Variants in ATXN3 observed in about 807,000 individuals in gnomAD.
The protein encoded by ATXN3 is ataxin-3.
Under a neutral mutation model 58.2 loss-of-function variants are expected in ATXN3, and 28 were observed. That is an observed-to-expected ratio of 0.48 (90% CI 0.36 to 0.66). ATXN3 has a LOEUF of 0.66. Among genes scored for constraint, ATXN3 ranks in the 30% least tolerant of loss-of-function variants. The pLI, the probability that ATXN3 is intolerant of heterozygous loss-of-function variation, is 0.00. For missense variants in ATXN3, 321 were observed against 422.1 expected (o/e 0.76, Z 2.10); for synonymous variants, 113 against 138.5 (o/e 0.82, Z 1.29).
chr14:92,065,876 G>A (rs1417156476), intron 10 of ATXN3, among the ~76,000 whole-genome samples: 2 of 140,488 alleles, frequency 1.4e-5, no homozygotes, highest in Non-Finnish European at 3.1e-5. Flanking sequence ...GCAAGACTCT[G>A]CCTAAAAAAG....
rs540170798 is a variant in ATXN3, at chr14:92,088,465, C to T, written c.475+265G>A. On this transcript the variant is annotated intron_variant, in intron 6 of 10. Coordinates refer to ENST00000644486, the MANE Select transcript of ATXN3 (RefSeq NM_004993.6). ...AAAAACATCTATCCCTCCTCTCAGCCGTGTGATATGTGATGTATAAAAGAA... is the reference window on the plus strand; with the variant it reads ...AAAAACATCTATCCCTCCTCTCAGCTGTGTGATATGTGATGTATAAAAGAA... Among the ~76,000 whole-genome samples, 3 of 152,228 alleles carry T rather than the reference C, an allele frequency of 2.0e-5. No individual in the cohort carries two copies. The South Asian group carries it at 6.2e-4, about 32-fold the overall frequency.
Position 92,085,198 on chromosome 14 carries a change from A to T in ATXN3, c.476-1940T>A, listed in dbSNP as rs868228047. 1.7e-3 allele frequency among the ~76,000 whole-genome samples: 254 copies of T among 148,756 alleles called. 1 individual carries two copies. Among genetic ancestry groups the T allele is most frequent in the African/African-American group, 5.9e-3 (237 of 40,330 alleles). On this transcript the variant is annotated intron_variant, in intron 6 of 10. Transcript: ENST00000644486. ...AAGACTTCACATATTTTTTTTTTTTAATTTTTTTTTGAGAGTCTCGTTCTG... is the reference window on the plus strand; with the variant it reads ...AAGACTTCACATATTTTTTTTTTTTTATTTTTTTTTGAGAGTCTCGTTCTG...
chr14:92,099,931 G>A (rs2066373473), intron 1 of ATXN3, among the ~76,000 whole-genome samples: 1 of 148,704 alleles, frequency 6.7e-6, no homozygotes, highest in African/African-American at 2.5e-5. Flanking sequence ...AGGAAAGAAA[G>A]AAGAAAGAAA....
At chr14:92,052,800 T>A (rs185374035), upstream of ATXN3, among the ~76,000 whole-genome samples, 2 of 152,344 alleles carry the variant, frequency 1.3e-5, no homozygotes, top group East Asian at 3.9e-4. Flanking sequence ...TTGCCTGTTC[T>A]GTTTTGGACA....
At chr14:92,075,536 C>T (rs7493647) in intron 9 of ATXN3, among the ~76,000 whole-genome samples, 1 of 152,068 alleles carries the variant, frequency 6.6e-6, no homozygotes, top group Non-Finnish European at 1.5e-5. Context: ...TTATGATTTT[C>T]TTTATGCATG....
chr14:92,053,286 A>G (rs1028382968), upstream of ATXN3, among the ~76,000 whole-genome samples: 18 of 144,216 alleles, frequency 1.2e-4, no homozygotes, highest in Non-Finnish European at 2.6e-4. Flanking sequence ...AATCATTTTC[A>G]TAGGAATCAT....
chr14:92,050,118 A>T (rs1230823920), upstream of ATXN3, among the ~76,000 whole-genome samples: 2 of 151,700 alleles, frequency 1.3e-5, no homozygotes, highest in Admixed American at 1.3e-4. Flanking sequence ...ATGTGCTTCA[A>T]AATAATGGAA....
intron 1 of ATXN3, among the ~76,000 whole-genome samples, chr14:92,105,670 A>C (rs1209335391): frequency 1.3e-5 from 2 of 152,180 alleles, no homozygotes; most frequent in East Asian, 3.9e-4. Flanking sequence ...GGCTTCACTC[A>C]CACACAAATG....
In ATXN3 at chr14:92,096,300, C is replaced by T. The variant is rs1444159564; in HGVS notation, c.190-163G>A. 5 of 1,494,494 alleles carry T rather than the reference C, an allele frequency of 3.3e-6. No homozygotes were observed. The African/African-American group carries it at 5.6e-5, about 17-fold the overall frequency. The allele number at this position is 1,494,494 out of a possible 1,614,324, so 92.6% of individuals were successfully genotyped here. On this transcript the variant is annotated intron_variant, in intron 2 of 10. Transcript: ENST00000644486. ...GTCAGATCCCTATAGGAAGAATGGC[C>T]CATCCTTTTCTAAATGGTATCCACA...
rs578194188 is a variant in ATXN3, at chr14:92,064,206, C to T, written c.*114G>A. On this transcript the variant is annotated 3_prime_UTR_variant, in exon 11 of 11. Transcript: ENST00000644486. Reference sequence around the variant, plus strand: ...CTTTCCCATCATTTTGTTTGCAAACCGCTAAAAGTCTTATTTCCTCATCTC... The same window carrying T: ...CTTTCCCATCATTTTGTTTGCAAACTGCTAAAAGTCTTATTTCCTCATCTC... The T allele has an allele frequency of 1.5e-6, 1 of 649,238 alleles. No individual in the cohort carries two copies. Among genetic ancestry groups the T allele is most frequent in the Non-Finnish European group, 2.5e-6 (1 of 395,928 alleles). The allele number at this position is 649,238 out of a possible 1,614,324, so 40.2% of individuals were successfully genotyped here. A position where few individuals can be genotyped will look rare whatever the true frequency, so the allele number is the denominator to read the frequency against.
Position 92,059,890 on chromosome 14 carries a change from T to C in ATXN3, c.*4430A>G, listed in dbSNP as rs1013673989. The C allele has an allele frequency of 1.3e-5, 2 of 149,464 alleles. No homozygotes were observed. Among genetic ancestry groups the C allele is most frequent in the Admixed American group, 1.3e-4 (2 of 14,928 alleles). The allele number at this position is 149,464 out of a possible 1,614,324, so 9.3% of individuals were successfully genotyped here. A position where few individuals can be genotyped will look rare whatever the true frequency, so the allele number is the denominator to read the frequency against. On this transcript the variant is annotated 3_prime_UTR_variant, in exon 11 of 11. Coordinates refer to ENST00000644486, the MANE Select transcript of ATXN3 (RefSeq NM_004993.6). ...GCCCAACGCCTCTTCGTTTCCGGAT[T>C]AAAAAAAAACAAACAAACCTTTAAG...
intron 1 of ATXN3, among the ~76,000 whole-genome samples, chr14:92,099,480 TCTC>T (rs2066221380): frequency 6.6e-6 from 1 of 152,230 alleles, no homozygotes; most frequent in Non-Finnish European, 1.5e-5. Context: ...TCCACTTCTT[TCTC>T]CTCCTTATAT....
chr14:92,090,544 C>T (rs1188952943), intron 5 of ATXN3: 8 of 152,082 alleles, frequency 5.3e-5, no homozygotes, highest in Non-Finnish European at 1.2e-4. Context: ...CTTTTTCCAG[C>T]CTTCTTTTTC....
intron 2 of ATXN3, among the ~76,000 whole-genome samples, chr14:92,047,721 G>C (rs1270551417): frequency 6.6e-6 from 1 of 152,174 alleles, no homozygotes; most frequent in Non-Finnish European, 1.5e-5. Flanking sequence ...AACTAAAAAA[G>C]AGTACATAAA....
chr14:92,100,437 C>T (rs2066504663), intron 1 of ATXN3, among the ~76,000 whole-genome samples: 1 of 151,736 alleles, frequency 6.6e-6, no homozygotes, highest in African/African-American at 2.4e-5. Flanking sequence ...CTGGAAACGA[C>T]CCAAATGGAT....
In ATXN3 at chr14:92,082,352, G is replaced by A. The variant is rs143402326; in HGVS notation, c.723C>T (p.Asp241=). Residue 241 remains aspartate, a synonymous_variant, in exon 8 of 11, where the codon GAC becomes GAT. Coordinates refer to ENST00000644486, the MANE Select transcript of ATXN3 (RefSeq NM_004993.6). ...RALALSRQEI[D]MEDEEADLRR... ...GGAGATCTGCTTCCTCATCTTCCAT[G>A]TCAATTTCTTGGCGACTTAGTGCCA... 3.3e-4 allele frequency: 533 copies of A among 1,614,138 alleles called. No individual in the cohort carries two copies. Among genetic ancestry groups the A allele is most frequent in the African/African-American group, 4.4e-4 (33 of 75,030 alleles).
At chr14:92,082,975 T>C in intron 7 of ATXN3, 151 bp downstream of exon 7, 1 of 945,604 alleles carries the variant, frequency 1.1e-6, no homozygotes, top group Non-Finnish European at 1.5e-6. Flanking sequence ...AAAGAGTTGA[T>C]TCAAGTTTAA....
At chr14:92,067,196 C>T (rs550403883) in intron 10 of ATXN3, among the ~76,000 whole-genome samples, 5 of 152,200 alleles carry the variant, frequency 3.3e-5, no homozygotes, top group African/African-American at 9.6e-5. Flanking sequence ...TTGCTAATTT[C>T]GAGATCTTCA....
chr14:92,054,017 C>T (rs1036023134), downstream of ATXN3, among the ~76,000 whole-genome samples: 4 of 152,034 alleles, frequency 2.6e-5, no homozygotes, highest in African/African-American at 9.7e-5. Flanking sequence ...TTACTGCAAC[C>T]TCCGCCTCCC....
Sources: gnomAD v4.1 joint callset for allele counts (sites outside exome capture counted in the v4.1 genomes callset) on GRCh38, gnomAD v4.1.1 for gene constraint, MANE v1.5 for transcripts, NCBI Gene and HGNC (gene_info 2026-07-23, HGNC 2026-07-21) for gene names.